ZNRF2: variants seen among roughly 807,000 people sequenced by gnomAD.
ZNRF2 encodes zinc and ring finger 2.
Under a neutral mutation model 20.4 loss-of-function variants are expected in ZNRF2, and 16 were observed. The observed-to-expected ratio is 0.79, with a 90% CI of 0.53 to 1.19. ZNRF2 has a LOEUF of 1.19. ZNRF2 is among the 50% of genes most tolerant of loss of function. The pLI is 0.00. For synonymous variants in ZNRF2, 178 were observed against 144.9 expected (o/e 1.23, Z -1.64); for missense variants, 363 against 332.4 (o/e 1.09, Z -0.72).
intron 1 of ZNRF2, among the ~76,000 whole-genome samples, chr7:30,289,504 T>G (rs1242832591): frequency 3.3e-5 from 5 of 152,224 alleles, no homozygotes. Flanking sequence ...AAGGCTTTTA[T>G]GGGGAGTGGC....
rs192072150 is a variant in ZNRF2 at position 30,302,304 on chromosome 7, T to C, written c.469+16478T>C. On this transcript the variant is annotated intron_variant, in intron 1 of 4. Coordinates refer to ENST00000323037, the MANE Select transcript of ZNRF2 (RefSeq NM_147128.4). ...GCTTAAAATTGAGCATAGAGGAAAC[T>C]GGAAATGTTCTCTAATATCATGCAT... is the stretch of plus-strand genomic sequence containing the variant. 3.0e-4 allele frequency among the ~76,000 whole-genome samples: 45 copies of C among 152,334 alleles called. 1 individual carries two copies. The highest frequency in any genetic ancestry group is 9.1e-4 in the African/African-American group (38 of 41,580).
At chr7:30,313,866 G>A (rs1300360132) in intron 1 of ZNRF2, among the ~76,000 whole-genome samples, 4 of 152,150 alleles carry the variant, frequency 2.6e-5, no homozygotes, top group African/African-American at 9.7e-5. Flanking sequence ...GAATATGTTC[G>A]GTATATTCGA....
intron 2 of ZNRF2, among the ~76,000 whole-genome samples, chr7:30,351,564 G>T (rs1799961954): frequency 6.6e-6 from 1 of 152,020 alleles, no homozygotes. Context: ...AAACAGTCCA[G>T]TTGCTTTGGT....
chr7:30,300,383 G>C (rs1259529799), intron 1 of ZNRF2, among the ~76,000 whole-genome samples: 1 of 151,906 alleles, frequency 6.6e-6, no homozygotes, highest in Non-Finnish European at 1.5e-5. Context: ...TCTTGACCTC[G>C]TGATCCACCC....
intron 1 of ZNRF2, among the ~76,000 whole-genome samples, chr7:30,286,434 C>T (rs546192005): frequency 2.0e-4 from 31 of 152,214 alleles, no homozygotes; most frequent in East Asian, 7.7e-4. Flanking sequence ...TAATGTGAGT[C>T]CTGCTTAATT....
chr7:30,364,999 A>C (rs1253428985), intron 4 of ZNRF2, among the ~76,000 whole-genome samples: 1 of 152,128 alleles, frequency 6.6e-6, no homozygotes, highest in Non-Finnish European at 1.5e-5. Context: ...AGCTTCTATA[A>C]GGATACTAAC....
intron 1 of ZNRF2, among the ~76,000 whole-genome samples, chr7:30,309,262 A>G (rs1422887975): frequency 1.3e-5 from 2 of 152,176 alleles, no homozygotes; most frequent in Non-Finnish European, 2.9e-5. Flanking sequence ...TATTTAGTCA[A>G]ATAGTTATAC....
At chr7:30,316,755 G>A (rs1799382757) in intron 1 of ZNRF2, among the ~76,000 whole-genome samples, 1 of 152,148 alleles carries the variant, frequency 6.6e-6, no homozygotes, top group African/African-American at 2.4e-5. Flanking sequence ...AGAAAACCGT[G>A]ATAATTTAGA....
rs1245751548 is a variant in ZNRF2, at chr7:30,367,406, G to A, written c.*1394G>A. 4 of 152,200 alleles carry A rather than the reference G, an allele frequency of 2.6e-5. No individual in the cohort carries two copies. Among genetic ancestry groups the A allele is most frequent in the Admixed American group, 1.3e-4 (2 of 15,234 alleles). 9.4% of individuals were successfully genotyped at this position (152,200 alleles called of 1,614,324 possible). ...GATAAGTAGGTTTTGTGTTTTCAAC[G>A]TAGGGAAAATGTTATCAGTGAATAG... On this transcript the variant is annotated 3_prime_UTR_variant, in exon 5 of 5. Transcript: ENST00000323037.
chr7:30,286,333 A>G (rs889993203), intron 1 of ZNRF2, among the ~76,000 whole-genome samples: 38 of 152,242 alleles, frequency 2.5e-4, no homozygotes, highest in Admixed American at 1.8e-3. Context: ...CTGTGTCAGT[A>G]GTCCCAGTTA....
At chr7:30,365,525 G>A (rs1305158630) in intron 4 of ZNRF2, among the ~76,000 whole-genome samples, 4 of 152,042 alleles carry the variant, frequency 2.6e-5, no homozygotes, top group Admixed American at 2.6e-4. Context: ...ATCTTGACTT[G>A]TACATTTTTG....
At chr7:30,350,189 T>C (rs1346714837) in intron 2 of ZNRF2, among the ~76,000 whole-genome samples, 1 of 151,950 alleles carries the variant, frequency 6.6e-6, no homozygotes, top group African/African-American at 2.4e-5. Context: ...GCTTTTAGAG[T>C]TTGTGATTTG....
At chr7:30,363,046 A>G (rs993934622) in intron 4 of ZNRF2, among the ~76,000 whole-genome samples, 2 of 152,112 alleles carry the variant, frequency 1.3e-5, no homozygotes, top group Non-Finnish European at 2.9e-5. Context: ...GTGTGAACCC[A>G]GGAGGTGGAG....
At chr7:30,309,656 A>G (rs1004128503) in intron 1 of ZNRF2, among the ~76,000 whole-genome samples, 6 of 152,180 alleles carry the variant, frequency 3.9e-5, no homozygotes, top group African/African-American at 1.2e-4. Flanking sequence ...TGTGTGTACT[A>G]TGTTTGGTAA....
chr7:30,315,729 G>GT (rs1162090463), intron 1 of ZNRF2, among the ~76,000 whole-genome samples: 7 of 88,070 alleles, frequency 7.9e-5, no homozygotes, highest in South Asian at 6.1e-4. Context: ...AGGTGGGGCG[G>GT]GGGGGGGGGG....
intron 4 of ZNRF2, among the ~76,000 whole-genome samples, chr7:30,364,809 A>G (rs1234322030): frequency 6.6e-6 from 1 of 152,234 alleles, no homozygotes; most frequent in Non-Finnish European, 1.5e-5. Context: ...TTGGGCTGCT[A>G]TAACAAAATA....
At chr7:30,316,776 G>A (rs905681014) in intron 1 of ZNRF2, among the ~76,000 whole-genome samples, 5 of 152,066 alleles carry the variant, frequency 3.3e-5, no homozygotes, top group African/African-American at 1.2e-4. Context: ...GAGAAGTTAG[G>A]TCATCTGCAA....
intron 1 of ZNRF2, among the ~76,000 whole-genome samples, chr7:30,301,211 C>T (rs181754826): frequency 2.0e-5 from 3 of 152,188 alleles, no homozygotes; most frequent in African/African-American, 4.8e-5. Context: ...GGCCAGGTGC[C>T]GTGGCTCAAG....
intron 1 of ZNRF2, among the ~76,000 whole-genome samples, chr7:30,316,960 TA>T (rs1299821714): frequency 6.6e-6 from 1 of 152,218 alleles, no homozygotes; most frequent in Non-Finnish European, 1.5e-5. Flanking sequence ...TTATATAGTC[TA>T]AAGTTCTTTG....
Sources: allele counts gnomAD v4.1 joint callset (sites outside exome capture counted in the v4.1 genomes callset), GRCh38; gene constraint gnomAD v4.1.1; transcripts MANE v1.5; gene names NCBI Gene and HGNC (gene_info 2026-07-23, HGNC 2026-07-21).